LRRC38: variants seen among roughly 807,000 people sequenced by gnomAD.
LRRC38 encodes the protein leucine rich repeat containing 38.
In LRRC38, 5 loss-of-function variants were observed where a neutral mutation model predicts 16.4. The ratio of observed to expected loss-of-function variants is 0.31; its 90% confidence interval spans 0.16 to 0.64. The LOEUF is 0.64. Ranked by LOEUF, LRRC38 falls within the 30% of genes least tolerant of loss-of-function variation. The pLI is 0.80. For missense variants in LRRC38, 341 were observed against 401.8 expected (o/e 0.85, Z 1.29); for synonymous variants, 191 against 190.2 (o/e 1.00, Z -0.04).
At chr1:13,485,440 G>A (rs60569513) in intron 1 of LRRC38, among the ~76,000 whole-genome samples, 22,174 of 151,818 alleles carry the variant, frequency 0.15, 1,745 homozygotes, top group East Asian at 0.24. Flanking sequence ...GCATGGTGGC[G>A]GGCGACTGTC....
chr1:13,492,422 C>T (rs1196135028), intron 1 of LRRC38, among the ~76,000 whole-genome samples: 4 of 152,106 alleles, frequency 2.6e-5, no homozygotes, highest in East Asian at 3.9e-4. Context: ...GATTTTTGGC[C>T]GGGTGCGGTG....
chr1:13,490,176 A>G (rs1638991693), intron 1 of LRRC38, among the ~76,000 whole-genome samples: 1 of 152,098 alleles, frequency 6.6e-6, no homozygotes, highest in Non-Finnish European at 1.5e-5. Flanking sequence ...TTTTGTTTTT[A>G]GACAGAGTCT....
chr1:13,502,455 C>T (rs1639162454), intron 1 of LRRC38, among the ~76,000 whole-genome samples: 1 of 152,092 alleles, frequency 6.6e-6, no homozygotes, highest in African/African-American at 2.4e-5. Flanking sequence ...CACCCGCTCA[C>T]CACCTCCTCC....
rs906697177 is a variant in LRRC38 at position 13,487,484 on chromosome 1, G to A, written c.632-11385C>T. 6.6e-6 allele frequency among the ~76,000 whole-genome samples: 1 copy of A among 152,142 alleles called. No individual in the cohort carries two copies. The highest frequency in any genetic ancestry group is 2.1e-4 in the South Asian group (1 of 4,830). ...CTCCAACCCACTGAAACCAAAGTGG[G>A]CTCCGTCTCATTCTGGCCTAGGCAG... On this transcript the variant is annotated intron_variant, in intron 1 of 1. Coordinates refer to ENST00000376085, the MANE Select transcript of LRRC38 (RefSeq NM_001010847.2). The surrounding 1 kb of genome is among the most constrained non-coding windows in gnomAD (Gnocchi z 4.4).
chr1:13,487,608 G>A lies in LRRC38; in HGVS notation c.632-11509C>T, dbSNP rs777957249. The stretch of plus-strand genomic sequence containing the variant: ...CATCTCCCTTGTGCAGGGCGGCTCC[G>A]TGGCCTGCCCGTCACCACCTGTCTG... On this transcript the variant is annotated intron_variant, in intron 1 of 1. Coordinates refer to ENST00000376085, the MANE Select transcript of LRRC38 (RefSeq NM_001010847.2). The surrounding 1 kb of genome is among the most constrained non-coding windows in gnomAD (Gnocchi z 4.4). 2.6e-5 allele frequency among the ~76,000 whole-genome samples: 4 copies of A among 152,198 alleles called. No individual in the cohort carries two copies. The highest frequency in any genetic ancestry group is 1.9e-4 in the East Asian group (1 of 5,188).
chr1:13,496,224 C>A (rs34594233), intron 1 of LRRC38, among the ~76,000 whole-genome samples: 8,722 of 151,866 alleles, frequency 0.057, 433 homozygotes, highest in East Asian at 0.18. Flanking sequence ...TGGGGTGCAG[C>A]AGCAAGATCC....
intron 1 of LRRC38, among the ~76,000 whole-genome samples, chr1:13,486,118 T>C (rs1450653597): frequency 1.3e-5 from 2 of 152,102 alleles, no homozygotes; most frequent in Non-Finnish European, 2.9e-5. Context: ...TTTGTAATTT[T>C]AGTAGAGATG....
intron 1 of LRRC38, among the ~76,000 whole-genome samples, chr1:13,484,237 C>T (rs1264675966): frequency 6.6e-6 from 1 of 152,118 alleles, no homozygotes. Flanking sequence ...CTCAAAGAGG[C>T]CTCCCTGCCT....
Position 13,513,057 on chromosome 1 carries a change from G to A in LRRC38, c.537C>T (p.Arg179=). Reference sequence around the variant, plus strand: ...AGGGGTTCCCGTCCAGACGCAGGGAGCGCAGCGCGGGCAGCGCGGCCAGGG... The same window carrying A: ...AGGGGTTCCCGTCCAGACGCAGGGAACGCAGCGCGGGCAGCGCGGCCAGGG... ...VAALAALPAL[R]SLRLDGNPWL... Residue 179 remains arginine (R), a synonymous_variant, in exon 1 of 2, where the codon CGC becomes CGT. Coordinates refer to ENST00000376085, the MANE Select transcript of LRRC38 (RefSeq NM_001010847.2). 2 of 1,550,194 alleles carry A rather than the reference G, an allele frequency of 1.3e-6. No homozygotes were observed. The highest frequency in any genetic ancestry group is 1.4e-5 in the African/African-American group (1 of 73,156).
intron 1 of LRRC38, among the ~76,000 whole-genome samples, chr1:13,512,666 C>A (rs1639286804): frequency 6.6e-6 from 1 of 152,112 alleles, no homozygotes; most frequent in South Asian, 2.1e-4. Flanking sequence ...AGTCCTAGGA[C>A]CCAAAGCCCA....
intron 1 of LRRC38, among the ~76,000 whole-genome samples, chr1:13,488,861 AG>A (rs1638973974): frequency 6.6e-6 from 1 of 152,060 alleles, no homozygotes; most frequent in Non-Finnish European, 1.5e-5. Flanking sequence ...CGTCGTGCGA[AG>A]GGGGGATTGG....
chr1:13,475,866 C>T lies in LRRC38; in HGVS notation c.865G>A (p.Asp289Asn). The T allele has an allele frequency of 4.5e-6, 7 of 1,550,156 alleles. No homozygotes were observed. The highest frequency in any genetic ancestry group is 6.1e-6 in the Non-Finnish European group (7 of 1,146,932). The change falls in exon 2 of 2, where the codon GAC (aspartate) becomes AAC (asparagine). Residue 289 changes from aspartate (D) to asparagine (N), a missense_variant. Coordinates refer to ENST00000376085, the MANE Select transcript of LRRC38 (RefSeq NM_001010847.2). This position sits in a 1 kb window ranked among gnomAD's most constrained non-coding sequence, Gnocchi z 4.3. ...CAPNKDAEDEDEDKDD is the reference protein window; with the variant it reads ...CAPNKDAEDENEDKDD ...GTGGCTCAGTCATCCTTGTCCTCGT[C>T]TTCATCCTCCGCATCTTTGTTGGGT...
In LRRC38 at chr1:13,513,211, C is replaced by T. The variant is rs780588099; in HGVS notation, c.383G>A (p.Gly128Glu). ...AGCCAGGCTAAGCTTCACCAGCCTCCCGGCCGAGCGGAAGGCGCCGGCGCC... is the reference window on the plus strand; with the variant it reads ...AGCCAGGCTAAGCTTCACCAGCCTCTCGGCCGAGCGGAAGGCGCCGGCGCC... Reference protein sequence around the residue: ...QLGAGAFRSAGRLVKLSLANN... With the variant: ...QLGAGAFRSAERLVKLSLANN... The change falls in exon 1 of 2, where the codon GGG (glycine) becomes GAG (glutamate). Residue 128 changes from glycine to glutamate, a missense_variant. By Grantham distance (98) the Gly-to-Glu change is moderately conservative (BLOSUM62 -2). Coordinates refer to ENST00000376085, the MANE Select transcript of LRRC38 (RefSeq NM_001010847.2). The T allele has an allele frequency of 1.1e-4, 164 of 1,550,382 alleles. No individual in the cohort carries two copies. Among genetic ancestry groups the T allele is most frequent in the Non-Finnish European group, 1.4e-4 (161 of 1,146,960 alleles).
chr1:13,494,252 A>C (rs559713694), intron 1 of LRRC38, among the ~76,000 whole-genome samples: 26 of 152,118 alleles, frequency 1.7e-4, no homozygotes, highest in Non-Finnish European at 3.1e-4. Context: ...CCTCAGTTCC[A>C]CCCACGTTCA....
At position 13,477,242 on chromosome 1, in the gene LRRC38, C is replaced by T. The variant is rs909118256; in HGVS notation, c.632-1143G>A. ...CTCTCAGAGAGTTTAAATTCTAGTG[C>T]GAGAATATAGACATTCATTTATGCC... is the stretch of plus-strand genomic sequence containing the variant. On this transcript the variant is annotated intron_variant, in intron 1 of 1. Transcript: ENST00000376085. Among the ~76,000 whole-genome samples, 10 of 152,110 alleles carry T rather than the reference C, an allele frequency of 6.6e-5. No individual in the cohort carries two copies. In the East Asian group the frequency reaches 1.2e-3, roughly 18 times the overall value.
chr1:13,480,062 A>C (rs1638833838), intron 1 of LRRC38, among the ~76,000 whole-genome samples: 1 of 152,220 alleles, frequency 6.6e-6, no homozygotes, highest in Admixed American at 6.5e-5. Flanking sequence ...AACTGTCTCC[A>C]GTCCGGGAGT....
intron 1 of LRRC38, among the ~76,000 whole-genome samples, chr1:13,486,810 C>T (rs1459063496): frequency 1.3e-5 from 2 of 152,096 alleles, no homozygotes; most frequent in African/African-American, 2.4e-5. Context: ...AGGCTGGTCT[C>T]GAACTCCCAG....
Position 13,508,011 on chromosome 1 carries a change from T to C in LRRC38, c.631+4952A>G, listed in dbSNP as rs542064273. ...GCACACTTTGGGAGGCCAAGGCAGG[T>C]AGATCACCTGAAGTCAGGAGTTCGA... On this transcript the variant is annotated intron_variant, in intron 1 of 1. Coordinates refer to ENST00000376085, the MANE Select transcript of LRRC38 (RefSeq NM_001010847.2). Among the ~76,000 whole-genome samples the C allele has an allele frequency of 2.6e-5, 4 of 152,196 alleles. No individual in the cohort carries two copies. In the South Asian group the frequency reaches 8.3e-4, roughly 32 times the overall value.
intron 1 of LRRC38, among the ~76,000 whole-genome samples, chr1:13,493,556 T>C (rs896040290): frequency 6.6e-6 from 1 of 152,176 alleles, no homozygotes; most frequent in Admixed American, 6.5e-5. Context: ...TGTGATTAGA[T>C]AAAGGTTCTT....
Sources: gnomAD v4.1 joint callset for allele counts (sites outside exome capture counted in the v4.1 genomes callset) on GRCh38, gnomAD v4.1.1 for gene constraint, Gnocchi (gnomAD v3.1) non-coding constraint, MANE v1.5 for transcripts, NCBI Gene and HGNC (gene_info 2026-07-23, HGNC 2026-07-21) for gene names.